Variants in UPRT observed in about 807,000 individuals in gnomAD.
UPRT encodes uracil phosphoribosyltransferase homolog.
In UPRT, 5 loss-of-function variants were observed where a neutral mutation model predicts 22.6. The ratio of observed to expected loss-of-function variants is 0.22; its 90% CI spans 0.12 to 0.47. The LOEUF is 0.47. Ranked by LOEUF, UPRT falls within the 20% of genes least tolerant of loss-of-function variation. UPRT has a pLI of 0.99. For missense variants in UPRT, 181 were observed against 239.9 expected (o/e 0.75, Z 1.62); for synonymous variants, 77 against 87.7 (o/e 0.88, Z 0.68).
intron 4 of UPRT, among the ~76,000 whole-genome samples, chrX:75,265,737 T>G (rs1418628977): frequency 9.0e-6 from 1 of 111,558 alleles, no homozygotes; most frequent in Non-Finnish European, 1.9e-5. Flanking sequence ...CTGTGTTCCT[T>G]TGGAGGAGGC....
At chrX:75,189,553 C>T (rs761504953) in intron 4 of UPRT, among the ~76,000 whole-genome samples, 2 of 111,423 alleles carry the variant, frequency 1.8e-5, no homozygotes, top group Non-Finnish European at 3.8e-5. Context: ...CTTTCTGTCC[C>T]GTTGAACTGT....
upstream of UPRT, among the ~76,000 whole-genome samples, chrX:75,271,285 C>G (rs2082607216): frequency 8.9e-6 from 1 of 112,325 alleles, no homozygotes; most frequent in African/African-American, 3.2e-5. Flanking sequence ...CAGCATGGTA[C>G]TGGTATTAAA....
chrX:75,163,671 A>G (rs754683037), intron 3 of UPRT, among the ~76,000 whole-genome samples: 18 of 112,475 alleles, frequency 1.6e-4, no homozygotes, highest in African/African-American at 5.5e-4. Context: ...GCCAAAAAGT[A>G]GAAACAACTT....
intron 4 of UPRT, among the ~76,000 whole-genome samples, chrX:75,263,659 A>G (rs891677054): frequency 9.2e-6 from 1 of 108,586 alleles, no homozygotes; most frequent in Non-Finnish European, 1.9e-5. Context: ...TGATCTTTTC[A>G]AAAAACCAGC....
At chrX:75,248,442 G>A (rs768292474) in intron 4 of UPRT, among the ~76,000 whole-genome samples, 19 of 111,961 alleles carry the variant, frequency 1.7e-4, no homozygotes, top group African/African-American at 3.2e-4. Flanking sequence ...TGCAATCAAC[G>A]GGAAGAAAGG....
intron 3 of UPRT, among the ~76,000 whole-genome samples, chrX:75,165,673 G>A (rs1174852093): frequency 2.7e-5 from 3 of 111,907 alleles, no homozygotes; most frequent in Non-Finnish European, 3.8e-5. Flanking sequence ...ACATTCATAT[G>A]GAGAAAAATT....
intron 4 of UPRT, among the ~76,000 whole-genome samples, chrX:75,189,399 C>A (rs1251428086): frequency 1.8e-5 from 2 of 111,735 alleles, no homozygotes; most frequent in African/African-American, 6.5e-5. Context: ...GCTTTACTTC[C>A]AACTATGTGG....
rs769827851 is a variant in UPRT at position 75,293,237 on chromosome X, C to A, written c.387-235C>A. Among the ~76,000 whole-genome samples, 145 of 111,305 alleles carry A rather than the reference C, an allele frequency of 1.3e-3. 1 individual carries two copies. The highest frequency in any genetic ancestry group is 2.3e-3 in the Non-Finnish European group (124 of 53,004). ...GCAGCTCAGTGGGGGACTGCATGAT[C>A]TTTTCAGTTCCAGTCTCTAATGTTG... On this transcript the variant is annotated intron_variant, in intron 1 of 6. Coordinates refer to ENST00000373383, the MANE Select transcript of UPRT (RefSeq NM_145052.4).
At chrX:75,166,898 A>T (rs1212976446) in intron 3 of UPRT, among the ~76,000 whole-genome samples, 1 of 112,376 alleles carries the variant, frequency 8.9e-6, no homozygotes, top group African/African-American at 3.2e-5. Context: ...ATATAGCTGT[A>T]TAATTTTTTA....
chrX:75,300,974 A>G lies in UPRT; in HGVS notation c.823+9A>G, dbSNP rs755141822. ...GTTCTCCACTCCTCATGGTGAGTTC[A>G]GCATGAGGCAGTAACTAGGGCTCCA... is the stretch of plus-strand genomic sequence containing the variant. On this transcript the variant is annotated intron_variant, in intron 6 of 6. Transcript: ENST00000373383. 1 of 1,167,317 alleles carries G rather than the reference A, an allele frequency of 8.6e-7. No individual in the cohort carries two copies. The highest frequency in any genetic ancestry group is 1.2e-6 in the Non-Finnish European group (1 of 859,480).
intron 4 of UPRT, among the ~76,000 whole-genome samples, chrX:75,218,037 G>A (rs1341925812): frequency 9.0e-6 from 1 of 111,607 alleles, no homozygotes; most frequent in South Asian, 3.8e-4. Context: ...ATTGACAAGT[G>A]GGATCTAATT....
At chrX:75,286,298 A>G (rs759692006) in intron 1 of UPRT, among the ~76,000 whole-genome samples, 1 of 60,759 alleles carries the variant, frequency 1.6e-5, no homozygotes, top group Non-Finnish European at 2.6e-5. Context: ...CTGAAATACA[A>G]ATTTACTTGG....
intron 1 of UPRT, among the ~76,000 whole-genome samples, chrX:75,291,719 C>G (rs1428521226): frequency 9.0e-6 from 1 of 110,773 alleles, no homozygotes. Context: ...TAGTATGGAT[C>G]TGAAGTCCGT....
At chrX:75,174,317 C>T (rs991107422) in intron 4 of UPRT, among the ~76,000 whole-genome samples, 2 of 111,672 alleles carry the variant, frequency 1.8e-5, no homozygotes, top group Non-Finnish European at 3.8e-5. Context: ...GCCAGTGGGT[C>T]GGTCCAGGGG....
chrX:75,237,322 G>T (rs1489562688), intron 4 of UPRT, among the ~76,000 whole-genome samples: 1 of 111,773 alleles, frequency 8.9e-6, no homozygotes, highest in Non-Finnish European at 1.9e-5. Context: ...AGGATGTGGA[G>T]AAACAGGAAC....
intron 4 of UPRT, among the ~76,000 whole-genome samples, chrX:75,251,151 C>CA (rs1188071840): frequency 9.0e-6 from 1 of 111,223 alleles, no homozygotes; most frequent in Non-Finnish European, 1.9e-5. Context: ...AAAACTGGTA[C>CA]AAGTCAGGGA....
intron 4 of UPRT, among the ~76,000 whole-genome samples, chrX:75,254,836 C>T (rs943520835): frequency 1.3e-4 from 13 of 96,676 alleles, no homozygotes; most frequent in African/African-American, 5.3e-4. Flanking sequence ...ACTGCAGTGG[C>T]GCAATCTCGG....
intron 4 of UPRT, among the ~76,000 whole-genome samples, chrX:75,232,067 G>A (rs1478811226): frequency 9.0e-6 from 1 of 111,677 alleles, no homozygotes; most frequent in African/African-American, 3.3e-5. Flanking sequence ...AGTGGGCGCA[G>A]GTCAGTGGGT....
chrX:75,292,544 G>C (rs758873624), intron 1 of UPRT, among the ~76,000 whole-genome samples: 1 of 111,685 alleles, frequency 9.0e-6, no homozygotes, highest in Non-Finnish European at 1.9e-5. Context: ...TGAGGCAAAA[G>C]AGTGGAAATT....
Sources: allele counts gnomAD v4.1 joint callset (sites outside exome capture counted in the v4.1 genomes callset), GRCh38; gene constraint gnomAD v4.1.1; transcripts MANE v1.5; gene names NCBI Gene and HGNC (gene_info 2026-07-23, HGNC 2026-07-21).